Variants in SLCO3A1 observed in about 807,000 individuals in gnomAD.
The protein encoded by SLCO3A1 is PGE1 transporter.
Under a neutral mutation model 63.1 loss-of-function variants are expected in SLCO3A1, and 27 were observed. The ratio of observed to expected loss-of-function variants is 0.43; its 90% confidence interval spans 0.32 to 0.59. The LOEUF is 0.59. Among genes scored for constraint, SLCO3A1 ranks in the 20% least tolerant of loss-of-function variants. The pLI, the probability that SLCO3A1 is intolerant of heterozygous loss-of-function variation, is 0.09. For missense variants in SLCO3A1, 773 were observed against 945.8 expected, an observed-to-expected ratio of 0.82 and a Z score of 2.40; for synonymous variants, 473 against 409.9, an observed-to-expected ratio of 1.15 and a Z score of -1.86.
intron 2 of SLCO3A1, among the ~76,000 whole-genome samples, chr15:91,928,508 C>T (rs1347832172): frequency 6.6e-6 from 1 of 152,188 alleles, no homozygotes; most frequent in Non-Finnish European, 1.5e-5. Context: ...CCTCCACCAT[C>T]CCCAGGCATG....
intron 2 of SLCO3A1, among the ~76,000 whole-genome samples, chr15:92,052,295 C>T (rs2046967484): frequency 6.6e-6 from 1 of 152,122 alleles, no homozygotes; most frequent in Non-Finnish European, 1.5e-5. Flanking sequence ...CCTCTGTTCC[C>T]TTATCTCAGG....
At chr15:92,137,079 C>T (rs899560263) in intron 7 of SLCO3A1, among the ~76,000 whole-genome samples, 3 of 147,248 alleles carry the variant, frequency 2.0e-5, no homozygotes, top group Admixed American at 6.8e-5. Context: ...CCCACTAACT[C>T]GTCATCTAGC....
chr15:92,144,976 T>A (rs1430146066), intron 7 of SLCO3A1, among the ~76,000 whole-genome samples: 1 of 151,632 alleles, frequency 6.6e-6, no homozygotes, highest in Non-Finnish European at 1.5e-5. Flanking sequence ...CCAGAGCAGG[T>A]GGGAAAGAGG....
At chr15:92,035,066 T>C (rs574100837) in intron 2 of SLCO3A1, among the ~76,000 whole-genome samples, 1 of 151,966 alleles carries the variant, frequency 6.6e-6, no homozygotes, top group Non-Finnish European at 1.5e-5. Flanking sequence ...TCCAGGACAA[T>C]GAAGCTCCCA....
intron 3 of SLCO3A1, among the ~76,000 whole-genome samples, chr15:92,096,880 C>G (rs142333855): frequency 1.3e-5 from 2 of 152,208 alleles, no homozygotes; most frequent in African/African-American, 4.8e-5. Context: ...GTTTTGCAGC[C>G]GTCGGCTGGC....
chr15:91,859,400 A>T lies in SLCO3A1; in HGVS notation c.180+5312A>T, dbSNP rs1213603383. On this transcript the variant is annotated intron_variant, in intron 1 of 9. Transcript: ENST00000318445. This position sits in a 1 kb window ranked among gnomAD's most constrained non-coding sequence, Gnocchi z 5.1. ...GGAATCATGGACCTTGGCTCATAGG[A>T]TAAATGAATTGATGTGATTCAAAGA... 6.6e-6 allele frequency among the ~76,000 whole-genome samples: 1 copy of T among 152,242 alleles called. No individual in the cohort carries two copies. The highest frequency in any genetic ancestry group is 1.9e-4 in the East Asian group (1 of 5,206).
chr15:91,916,491 C>T lies in SLCO3A1; in HGVS notation c.646+33C>T, dbSNP rs758631598. The T allele has an allele frequency of 6.7e-7, 1 of 1,489,936 alleles. No homozygotes were observed. Among genetic ancestry groups the T allele is most frequent in the South Asian group, 1.2e-5 (1 of 81,972 alleles). The allele number at this position is 1,489,936 out of a possible 1,614,324, so 92.3% of individuals were successfully genotyped here. A position where few individuals can be genotyped will look rare whatever the true frequency, so the allele number is the denominator to read the frequency against. Reference sequence around the variant, plus strand: ...CTGCCCCAGCCGTATTAGCAAGAGACCAGGGTGTGTTGACCATGGATAAAA... The same window carrying T: ...CTGCCCCAGCCGTATTAGCAAGAGATCAGGGTGTGTTGACCATGGATAAAA... On this transcript the variant is annotated intron_variant, in intron 2 of 9. Transcript: ENST00000318445. The surrounding 1 kb of genome is among the most constrained non-coding windows in gnomAD (Gnocchi z 6.2).
chr15:92,128,602 C>A, intron 7 of SLCO3A1, 113 bp downstream of exon 7: 1 of 923,768 alleles, frequency 1.1e-6, no homozygotes, highest in Non-Finnish European at 1.6e-6. Flanking sequence ...TTAGCTGTTG[C>A]CTTGCTGTAG....
intron 9 of SLCO3A1, among the ~76,000 whole-genome samples, chr15:92,154,330 A>T (rs2048344951): frequency 6.6e-6 from 1 of 152,206 alleles, no homozygotes; most frequent in Non-Finnish European, 1.5e-5. Flanking sequence ...GGAAGAAAGG[A>T]TGTAGAGCAA....
chr15:91,989,181 T>C (rs1413372546), intron 2 of SLCO3A1, among the ~76,000 whole-genome samples: 1 of 152,220 alleles, frequency 6.6e-6, no homozygotes, highest in African/African-American at 2.4e-5. Context: ...CTGCCGCAAA[T>C]GTGTGTTCTT....
chr15:91,924,153 C>T (rs1261292490), intron 2 of SLCO3A1, among the ~76,000 whole-genome samples: 1 of 152,188 alleles, frequency 6.6e-6, no homozygotes. Context: ...CACATCTGCT[C>T]AGGGGTCACA....
At chr15:91,985,855 A>T (rs2046045091) in intron 2 of SLCO3A1, among the ~76,000 whole-genome samples, 1 of 152,152 alleles carries the variant, frequency 6.6e-6, no homozygotes, top group South Asian at 2.1e-4. Flanking sequence ...GGACGGAAGG[A>T]GGAATGAGTG....
Position 92,106,388 on chromosome 15 carries a change from C to T in SLCO3A1, c.1009+1846C>T, listed in dbSNP as rs113382586. ...AGGCTCACTTCCAGCAGGCCCCAGG[C>T]AAGGAGGGTGCCTGCGACTCCCCTA... is the stretch of plus-strand genomic sequence containing the variant. On this transcript the variant is annotated intron_variant, in intron 4 of 9. Coordinates refer to ENST00000318445, the MANE Select transcript of SLCO3A1 (RefSeq NM_013272.4). Among the ~76,000 whole-genome samples, 98 of 152,184 alleles carry T rather than the reference C, an allele frequency of 6.4e-4. 1 individual carries two copies. The highest frequency in any genetic ancestry group is 2.3e-3 in the African/African-American group (95 of 41,526).
At chr15:92,051,438 G>T (rs950731096) in intron 2 of SLCO3A1, among the ~76,000 whole-genome samples, 1 of 152,178 alleles carries the variant, frequency 6.6e-6, no homozygotes, top group Non-Finnish European at 1.5e-5. Flanking sequence ...GGAATCATCA[G>T]TGCACAGGGA....
chr15:92,167,669 A>AT (rs1726666612), downstream of SLCO3A1, among the ~76,000 whole-genome samples: 1 of 152,190 alleles, frequency 6.6e-6, no homozygotes, highest in African/African-American at 2.4e-5. Flanking sequence ...TGCAAGGCAG[A>AT]TTTTTGTTCA....
intron 7 of SLCO3A1, among the ~76,000 whole-genome samples, chr15:92,144,709 C>G (rs1002205281): frequency 1.3e-5 from 2 of 152,216 alleles, no homozygotes; most frequent in Non-Finnish European, 2.9e-5. Flanking sequence ...TCCTTCTTGT[C>G]CAGCTCCCGT....
At chr15:92,153,416 A>T (rs1002606059) in intron 9 of SLCO3A1, 2 of 152,240 alleles carry the variant, frequency 1.3e-5, no homozygotes, top group Admixed American at 6.5e-5. Context: ...GCTCTAGAAG[A>T]CTATGACACA....
Position 92,129,433 on chromosome 15 carries a change from C to T in SLCO3A1, c.1512+944C>T, listed in dbSNP as rs531382243. Among the ~76,000 whole-genome samples the T allele has an allele frequency of 6.6e-5, 10 of 152,322 alleles. 2 individuals carry two copies. Among genetic ancestry groups the T allele is most frequent in the African/African-American group, 2.2e-4 (9 of 41,572 alleles). ...GTCCTACTCACCGGTCAGTAGCCTC[C>T]TCCAATGTCCCCTCCTCTGAAACCA... On this transcript the variant is annotated intron_variant, in intron 7 of 9. Coordinates refer to ENST00000318445, the MANE Select transcript of SLCO3A1 (RefSeq NM_013272.4).
chr15:92,167,807 A>G (rs114296961), downstream of SLCO3A1, among the ~76,000 whole-genome samples: 955 of 152,110 alleles, frequency 6.3e-3, 6 homozygotes, highest in African/African-American at 0.022. Flanking sequence ...GGCAGGGACA[A>G]CATGGGTTAT....
Sources: allele counts gnomAD v4.1 joint callset (sites outside exome capture counted in the v4.1 genomes callset), GRCh38; gene constraint gnomAD v4.1.1; non-coding constraint Gnocchi (gnomAD v3.1); transcripts MANE v1.5; gene names NCBI Gene and HGNC (gene_info 2026-07-23, HGNC 2026-07-21).